The following TIMM9 variants were observed in gnomAD, a reference collection of about 807,000 sequenced individuals.
TIMM9 encodes the protein translocase of inner mitochondrial membrane 9.
A neutral mutation model predicts 13.4 loss-of-function variants in TIMM9; 10 were observed. That is an observed-to-expected ratio of 0.75 (90% CI 0.46 to 1.26). TIMM9 has a LOEUF of 1.26. Among genes scored for constraint, TIMM9 ranks in the 50% most tolerant of loss-of-function variants. The pLI is 0.00. For missense variants in TIMM9, 87 were observed against 100.8 expected (o/e 0.86, Z 0.58); for synonymous variants, 32 against 32.1 (o/e 1.00, Z 0.01).
chr14:58,414,957 T>A (rs1332905298), intron 3 of TIMM9, among the ~76,000 whole-genome samples: 2 of 152,094 alleles, frequency 1.3e-5, no homozygotes, highest in African/African-American at 4.8e-5. Context: ...CTACTTGACA[T>A]TCAGGACTTG....
Position 58,409,029 on chromosome 14 carries a change from C to G in TIMM9, c.*5G>C. 1.2e-6 allele frequency: 2 copies of G among 1,608,018 alleles called. No individual in the cohort carries two copies. Among genetic ancestry groups the G allele is most frequent in the Non-Finnish European group, 1.7e-6 (2 of 1,178,810 alleles). On this transcript the variant is annotated 3_prime_UTR_variant, in exon 6 of 6. Coordinates refer to ENST00000395159, the MANE Select transcript of TIMM9 (RefSeq NM_012460.4). ...TTCATCAAAAGTTCATCCATCAGGA[C>G]TTCTCTATCGTGGTTGGCCAAGGAG...
chr14:58,413,817 C>T (rs944525867), intron 3 of TIMM9, among the ~76,000 whole-genome samples: 17 of 151,076 alleles, frequency 1.1e-4, no homozygotes, highest in Non-Finnish European at 7.4e-5. Context: ...ACCATCCTGG[C>T]TAACACAGTG....
At chr14:58,413,778 CG>C (rs1466235656) in intron 3 of TIMM9, among the ~76,000 whole-genome samples, 1 of 151,790 alleles carries the variant, frequency 6.6e-6, no homozygotes, top group Admixed American at 6.6e-5. Context: ...GAGGCTGAGG[CG>C]GGCAGATTAC....
intron 5 of TIMM9, among the ~76,000 whole-genome samples, chr14:58,410,157 T>C (rs2036167238): frequency 6.6e-6 from 1 of 152,004 alleles, no homozygotes; most frequent in African/African-American, 2.4e-5. Flanking sequence ...CTGCAACCTC[T>C]GCCTCCCGGG....
intron 2 of TIMM9, among the ~76,000 whole-genome samples, chr14:58,426,225 T>A (rs1452319255): frequency 3.3e-5 from 5 of 151,826 alleles, no homozygotes; most frequent in Non-Finnish European, 5.9e-5. Flanking sequence ...CTTTTTTTTT[T>A]AAGACAGTCT....
chr14:58,427,515 C>T lies in TIMM9; in HGVS notation c.-427G>A, dbSNP rs2036914794. The T allele has an allele frequency of 1.4e-6, 2 of 1,409,414 alleles. No homozygotes were observed. The highest frequency in any genetic ancestry group is 1.4e-5 in the African/African-American group (1 of 70,286). 87.3% of individuals were successfully genotyped at this position (1,409,414 alleles called of 1,614,324 possible). A position where few individuals can be genotyped will look rare whatever the true frequency, so the allele number is the denominator to read the frequency against. On this transcript the variant is annotated 5_prime_UTR_variant, in exon 1 of 6. Transcript: ENST00000395159. ...GATGAGACTGTAGAGCGGTCTTGTG[C>T]GGCAATGTGCTACCTTAAAATAAAT...
chr14:58,419,451 TCACACACA>T (rs67147520), intron 3 of TIMM9, among the ~76,000 whole-genome samples: 10,672 of 112,878 alleles, frequency 0.095, 719 homozygotes, highest in African/African-American at 0.2. Flanking sequence ...TGAGACCCCG[TCACACACA>T]CACACACACA....
chr14:58,427,456 G>A lies in TIMM9; in HGVS notation c.-368C>T. ...TGTCAACAGTCCCTGGTAAACACAA[G>A]TAGTATTACAAGTCGGGAGCTCTTC... On this transcript the variant is annotated 5_prime_UTR_variant, in exon 1 of 6. Coordinates refer to ENST00000395159, the MANE Select transcript of TIMM9 (RefSeq NM_012460.4). The A allele has an allele frequency of 1.3e-6, 1 of 764,708 alleles. No individual in the cohort carries two copies. Among genetic ancestry groups the A allele is most frequent in the South Asian group, 1.7e-5 (1 of 57,232 alleles). The allele number at this position is 764,708 out of a possible 1,614,324, so 47.4% of individuals were successfully genotyped here.
At chr14:58,412,203 C>T (rs530843295) in intron 3 of TIMM9, 45 of 368,330 alleles carry the variant, frequency 1.2e-4, no homozygotes, top group East Asian at 2.2e-4. Flanking sequence ...AGCGCAGTGG[C>T]GCCATCTTGG....
chr14:58,415,033 G>T (rs2036356668), intron 3 of TIMM9, among the ~76,000 whole-genome samples: 1 of 152,326 alleles, frequency 6.6e-6, no homozygotes, highest in South Asian at 2.1e-4. Context: ...CACATGGGGA[G>T]AGTAACAAAG....
chr14:58,419,595 T>C (rs983822910), intron 3 of TIMM9, among the ~76,000 whole-genome samples: 4 of 151,098 alleles, frequency 2.6e-5, no homozygotes, highest in Admixed American at 6.6e-5. Flanking sequence ...TCTCACCTAA[T>C]ACAAAAATTA....
chr14:58,415,854 C>G (rs1015713176), intron 3 of TIMM9, among the ~76,000 whole-genome samples: 1 of 152,068 alleles, frequency 6.6e-6, no homozygotes, highest in Admixed American at 6.6e-5. Flanking sequence ...ATTCAAAAAG[C>G]TGAACAAACC....
chr14:58,413,431 T>G (rs775752161), intron 3 of TIMM9, among the ~76,000 whole-genome samples: 1 of 152,218 alleles, frequency 6.6e-6, no homozygotes, highest in Non-Finnish European at 1.5e-5. Context: ...ATTCAGAGTT[T>G]TAAAAGAAAG....
In TIMM9 at chr14:58,427,456, G is replaced by T. The variant is rs2036910904; in HGVS notation, c.-368C>A. The T allele has an allele frequency of 1.3e-6, 1 of 764,590 alleles. No individual in the cohort carries two copies. Among genetic ancestry groups the T allele is most frequent in the African/African-American group, 1.7e-5 (1 of 57,210 alleles). The allele number at this position is 764,590 out of a possible 1,614,324, so 47.4% of individuals were successfully genotyped here. A position where few individuals can be genotyped will look rare whatever the true frequency, so the allele number is the denominator to read the frequency against. ...TGTCAACAGTCCCTGGTAAACACAAGTAGTATTACAAGTCGGGAGCTCTTC... is the reference window on the plus strand; with the variant it reads ...TGTCAACAGTCCCTGGTAAACACAATTAGTATTACAAGTCGGGAGCTCTTC... On this transcript the variant is annotated 5_prime_UTR_variant, in exon 1 of 6. Transcript: ENST00000395159.
intron 4 of TIMM9, among the ~76,000 whole-genome samples, chr14:58,411,601 A>ACGAT (rs2036219052): frequency 6.6e-6 from 1 of 151,470 alleles, no homozygotes; most frequent in African/African-American, 2.4e-5. Context: ...GTGCAATGCC[A>ACGAT]CGATCTCGGC....
chr14:58,421,681 GTTC>G (rs2036592538), intron 3 of TIMM9, among the ~76,000 whole-genome samples: 1 of 152,130 alleles, frequency 6.6e-6, no homozygotes, highest in Admixed American at 6.6e-5. Context: ...CCAAGCTAGA[GTTC>G]TTCTGGATTC....
intron 3 of TIMM9, among the ~76,000 whole-genome samples, chr14:58,419,467 ACAC>A (rs2036521119): frequency 6.7e-6 from 1 of 148,210 alleles, no homozygotes; most frequent in Admixed American, 6.7e-5. Flanking sequence ...ACACACACAC[ACAC>A]ACACACACAC....
In TIMM9 at chr14:58,409,072, G is replaced by T; in HGVS notation, c.232C>A (p.Leu78Met). The change falls in exon 6 of 6, where the codon CTG becomes ATG. Residue 78 changes from leucine to methionine, a missense_variant. By Grantham distance (15) the Leu-to-Met change is conservative. Coordinates refer to ENST00000395159, the MANE Select transcript of TIMM9 (RefSeq NM_012460.4). ...QEYHIQQNEA[L>M]AAKAGLLGQP... The stretch of plus-strand genomic sequence containing the variant: ...CCAAGGAGTCCTGCTTTGGCTGCCA[G>T]GGCTTCATTCTGCTGAATATGATAT... 1 of 1,613,786 alleles carries T rather than the reference G, an allele frequency of 6.2e-7. No individual in the cohort carries two copies. Among genetic ancestry groups the T allele is most frequent in the African/African-American group, 1.3e-5 (1 of 74,992 alleles).
At chr14:58,423,007 G>A (rs1053112751) in intron 3 of TIMM9, among the ~76,000 whole-genome samples, 6 of 151,480 alleles carry the variant, frequency 4.0e-5, no homozygotes, top group African/African-American at 1.2e-4. Context: ...GTTTCACCAT[G>A]TTGGCCAGGT....
Sources: allele counts gnomAD v4.1 joint callset (sites outside exome capture counted in the v4.1 genomes callset), GRCh38; gene constraint gnomAD v4.1.1; transcripts MANE v1.5; gene names NCBI Gene and HGNC (gene_info 2026-07-23, HGNC 2026-07-21).